The following STK38L variants were observed in gnomAD, a reference collection of about 807,000 sequenced individuals.
STK38L encodes serine/threonine-protein kinase 38-like.
Under a neutral mutation model 59.7 loss-of-function variants are expected in STK38L, and 28 were observed. The ratio of observed to expected loss-of-function variants is 0.47; its 90% confidence interval spans 0.35 to 0.64. STK38L has a LOEUF of 0.64. Ranked by LOEUF, STK38L falls within the 30% of genes least tolerant of loss-of-function variation. STK38L has a pLI of 0.01. For synonymous variants in STK38L, 162 were observed against 176.8 expected, an observed-to-expected ratio of 0.92 and a Z score of 0.66; for missense variants, 314 against 555.8, an observed-to-expected ratio of 0.56 and a Z score of 4.37.
chr12:27,251,455 T>G (rs1942973758), intron 1 of STK38L, among the ~76,000 whole-genome samples: 1 of 152,236 alleles, frequency 6.6e-6, no homozygotes, highest in East Asian at 1.9e-4. Context: ...CAGATTAAAG[T>G]GACTTGTCTG....
chr12:27,270,970 G>C (rs1943410951), intron 1 of STK38L, among the ~76,000 whole-genome samples: 1 of 152,130 alleles, frequency 6.6e-6, no homozygotes, highest in African/African-American at 2.4e-5. Context: ...ATGACAAAAG[G>C]GACATGTTAA....
At chr12:27,292,037 A>G (rs1591902526) in intron 1 of STK38L, among the ~76,000 whole-genome samples, 1 of 152,254 alleles carries the variant, frequency 6.6e-6, no homozygotes, top group East Asian at 1.9e-4. Context: ...TAGTGTCTCC[A>G]TTAATGAATA....
At chr12:27,320,895 G>A (rs1185588151) in intron 12 of STK38L, among the ~76,000 whole-genome samples, 2 of 151,564 alleles carry the variant, frequency 1.3e-5, no homozygotes, top group East Asian at 1.9e-4. Context: ...CATTCTCCTG[G>A]TGGAGGCCTA....
chr12:27,309,610 G>C (rs1944410662), intron 5 of STK38L, among the ~76,000 whole-genome samples: 1 of 152,104 alleles, frequency 6.6e-6, no homozygotes, highest in Admixed American at 6.6e-5. Context: ...GAACTCTCTG[G>C]TGTCTCTTCT....
In STK38L at chr12:27,308,605, G is replaced by A. The variant is rs893812186; in HGVS notation, c.309+144G>A. The A allele has an allele frequency of 5.2e-5, 45 of 867,084 alleles. No individual in the cohort carries two copies. Among genetic ancestry groups the A allele is most frequent in the Non-Finnish European group, 5.9e-5 (40 of 673,000 alleles). 53.7% of individuals were successfully genotyped at this position (867,084 alleles called of 1,614,324 possible). Reference sequence around the variant, plus strand: ...TTTGGGAGGCCGAGGCGGGTGGATCGCCTGAGGTCAGGAGTTCGAGACCAG... The same window carrying A: ...TTTGGGAGGCCGAGGCGGGTGGATCACCTGAGGTCAGGAGTTCGAGACCAG... On this transcript the variant is annotated intron_variant, in intron 4 of 13. Transcript: ENST00000389032. This position sits in a 1 kb window ranked among gnomAD's most constrained non-coding sequence, Gnocchi z 4.5.
intron 1 of STK38L, among the ~76,000 whole-genome samples, chr12:27,266,551 A>G (rs1476309597): frequency 6.6e-6 from 1 of 152,196 alleles, no homozygotes; most frequent in Non-Finnish European, 1.5e-5. Flanking sequence ...TGTGTAGGAA[A>G]CACATTGCCC....
At chr12:27,310,809 G>T (rs556514069) in intron 5 of STK38L, among the ~76,000 whole-genome samples, 2 of 152,094 alleles carry the variant, frequency 1.3e-5, no homozygotes, top group Non-Finnish European at 2.9e-5. Flanking sequence ...GTGGGGAGGT[G>T]GGGGGCGGAA....
intron 6 of STK38L, 30 bp from the exon 7 acceptor site, chr12:27,314,471 CAAT>C: frequency 7.1e-7 from 1 of 1,406,876 alleles, no homozygotes; most frequent in South Asian, 1.7e-5. Context: ...GAGGCATTTT[CAAT>C]AATAATATAT....
intron 1 of STK38L, among the ~76,000 whole-genome samples, chr12:27,244,589 C>A (rs61920764): frequency 0.092 from 13,993 of 152,202 alleles, 819 homozygotes; most frequent in Non-Finnish European, 0.13. Context: ...CTGCTCCTTT[C>A]TCCTTCCACT....
intron 12 of STK38L, among the ~76,000 whole-genome samples, 164 bp downstream of exon 12, chr12:27,319,587 T>C (rs2136652959): frequency 6.6e-6 from 1 of 152,354 alleles, no homozygotes; most frequent in South Asian, 2.1e-4. Flanking sequence ...CTATTGTGGC[T>C]ACAGCTTGAT....
At chr12:27,302,302 CTTCT>C in intron 3 of STK38L, 114 bp downstream of exon 3, 1 of 765,346 alleles carries the variant, frequency 1.3e-6, no homozygotes, top group Non-Finnish European at 2.0e-6. Context: ...TGAATATGGG[CTTCT>C]TTGTTGCTGT....
intron 1 of STK38L, among the ~76,000 whole-genome samples, chr12:27,267,530 G>A (rs529978071): frequency 1.3e-5 from 2 of 152,294 alleles, no homozygotes; most frequent in East Asian, 3.9e-4. Context: ...CCTCAGCCTC[G>A]TGTTCTAGTG....
intron 1 of STK38L, among the ~76,000 whole-genome samples, chr12:27,261,684 G>A (rs980498945): frequency 2.6e-5 from 4 of 152,164 alleles, no homozygotes; most frequent in Non-Finnish European, 5.9e-5. Context: ...ATTAGAAAAA[G>A]CTCAAGATCC....
intron 1 of STK38L, among the ~76,000 whole-genome samples, chr12:27,297,466 C>T (rs1944052967): frequency 6.6e-6 from 1 of 152,134 alleles, no homozygotes; most frequent in Non-Finnish European, 1.5e-5. Flanking sequence ...TATATGGATG[C>T]CACTGGTTCT....
At chr12:27,269,232 C>A (rs555161635) in intron 1 of STK38L, among the ~76,000 whole-genome samples, 77 of 152,228 alleles carry the variant, frequency 5.1e-4, no homozygotes, top group African/African-American at 1.9e-3. Context: ...AGGTTTTCTT[C>A]TAGGGTTTTT....
chr12:27,311,655 A>C (rs1944456367), intron 5 of STK38L, among the ~76,000 whole-genome samples: 1 of 152,218 alleles, frequency 6.6e-6, no homozygotes, highest in African/African-American at 2.4e-5. Flanking sequence ...CCGAGAAATC[A>C]GTGGCAAAAT....
intron 1 of STK38L, among the ~76,000 whole-genome samples, chr12:27,281,880 C>G (rs568608645): frequency 1.3e-5 from 2 of 151,892 alleles, no homozygotes; most frequent in Non-Finnish European, 2.9e-5. Flanking sequence ...ACTAAAAATA[C>G]AAAAAATCAG....
At chr12:27,283,698 G>A (rs1001926816) in intron 1 of STK38L, among the ~76,000 whole-genome samples, 1 of 152,080 alleles carries the variant, frequency 6.6e-6, no homozygotes, top group Admixed American at 6.6e-5. Context: ...TTTTATATAT[G>A]GGGCAGAAAA....
intron 1 of STK38L, among the ~76,000 whole-genome samples, chr12:27,289,819 A>G (rs968885025): frequency 2.0e-5 from 3 of 152,252 alleles, no homozygotes; most frequent in African/African-American, 7.2e-5. Flanking sequence ...CCAAATCACT[A>G]CTAACTTCTA....
Sources: allele counts gnomAD v4.1 joint callset (sites outside exome capture counted in the v4.1 genomes callset), GRCh38; gene constraint gnomAD v4.1.1; non-coding constraint Gnocchi (gnomAD v3.1); transcripts MANE v1.5; gene names NCBI Gene and HGNC (gene_info 2026-07-23, HGNC 2026-07-21).